Variants in CNTN4 observed in about 807,000 individuals in gnomAD.
CNTN4 encodes the protein contactin-4.
Under a neutral mutation model 122.5 loss-of-function variants are expected in CNTN4, and 77 were observed. The observed-to-expected ratio is 0.63, with a 90% CI of 0.52 to 0.76. The LOEUF is 0.76. Among genes scored for constraint, CNTN4 ranks in the 30% least tolerant of loss-of-function variants. The probability of loss-of-function intolerance (pLI) is 0.00; values close to 1 mark genes in which losing one functional copy is unlikely to be tolerated. For synonymous variants in CNTN4, 512 were observed against 447.0 expected (o/e 1.15, Z -1.83); for missense variants, 1,256 against 1,259.1 (o/e 1.00, Z 0.04).
chr3:2,470,415 T>C (rs62233832), intron 3 of CNTN4, among the ~76,000 whole-genome samples: 27,999 of 152,194 alleles, frequency 0.18, 3,271 homozygotes, highest in Middle Eastern at 0.28. Flanking sequence ...TGGATAGTTT[T>C]ACGCTTCTCA....
intron 3 of CNTN4, among the ~76,000 whole-genome samples, chr3:2,370,760 A>G (rs2045598938): frequency 6.6e-6 from 1 of 152,174 alleles, no homozygotes; most frequent in South Asian, 2.1e-4. Flanking sequence ...AAAAAATGAT[A>G]TAATTTTAGA....
chr3:2,398,661 C>T (rs1559518297), intron 3 of CNTN4, among the ~76,000 whole-genome samples: 1 of 152,046 alleles, frequency 6.6e-6, no homozygotes, highest in African/African-American at 2.4e-5. Context: ...AAATTTTGTT[C>T]AGTATTAAAA....
intron 4 of CNTN4, among the ~76,000 whole-genome samples, chr3:2,612,632 G>A (rs914634193): frequency 3.3e-5 from 5 of 152,080 alleles, no homozygotes; most frequent in Admixed American, 1.3e-4. Flanking sequence ...GTAGAATGAG[G>A]TAGATAAAAT....
intron 2 of CNTN4, among the ~76,000 whole-genome samples, chr3:2,194,422 C>G (rs9862747): frequency 0.7 from 106,878 of 151,922 alleles, 38,495 homozygotes; most frequent in South Asian, 0.83. Flanking sequence ...GATCGCGCCA[C>G]TGCACTCCAG....
At chr3:2,177,065 T>G (rs923618523) in intron 2 of CNTN4, among the ~76,000 whole-genome samples, 1 of 152,234 alleles carries the variant, frequency 6.6e-6, no homozygotes, top group South Asian at 2.1e-4. Context: ...GTCCACTTCC[T>G]TGTATATCAA....
chr3:2,305,530 G>T (rs1179563765), intron 2 of CNTN4, among the ~76,000 whole-genome samples: 1 of 152,030 alleles, frequency 6.6e-6, no homozygotes, highest in Non-Finnish European at 1.5e-5. Flanking sequence ...CAATGATATA[G>T]TTTCCAAATC....
At chr3:2,680,083 A>G (rs2728016) in intron 4 of CNTN4, among the ~76,000 whole-genome samples, 9,168 of 152,274 alleles carry the variant, frequency 0.06, 341 homozygotes, top group African/African-American at 0.097. Context: ...TTCTGGGAGT[A>G]AGGGATGGTT....
intron 4 of CNTN4, among the ~76,000 whole-genome samples, chr3:2,679,799 C>A (rs2085071632): frequency 6.6e-6 from 1 of 152,170 alleles, no homozygotes; most frequent in African/African-American, 2.4e-5. Context: ...GCATACCTTT[C>A]CTTGACATCA....
intron 2 of CNTN4, among the ~76,000 whole-genome samples, chr3:2,305,566 C>T (rs1266855353): frequency 6.6e-6 from 1 of 152,092 alleles, no homozygotes; most frequent in East Asian, 1.9e-4. Flanking sequence ...ATAGTACTTT[C>T]TCTTTATGTT....
chr3:2,254,402 A>G (rs936410551), intron 2 of CNTN4, among the ~76,000 whole-genome samples: 2 of 152,186 alleles, frequency 1.3e-5, no homozygotes, highest in Non-Finnish European at 2.9e-5. Context: ...TTGGGTATAT[A>G]CCCAGTAATG....
intron 2 of CNTN4, among the ~76,000 whole-genome samples, chr3:2,210,342 C>CA (rs1427296078): frequency 6.6e-6 from 1 of 152,096 alleles, no homozygotes; most frequent in Non-Finnish European, 1.5e-5. Context: ...ATAGACTTCC[C>CA]AGGACCCTGA....
In CNTN4 at chr3:2,159,782, C is replaced by T. The variant is rs566395159; in HGVS notation, c.-145+59143C>T. Among the ~76,000 whole-genome samples the T allele has an allele frequency of 7.3e-5, 11 of 151,394 alleles. No homozygotes were observed. The South Asian group carries it at 2.3e-3, about 32-fold the overall frequency. The stretch of plus-strand genomic sequence containing the variant: ...GTTTGAATGGATTATGTTTGTCCCA[C>T]AATCATTTTTTAATCTGAATAATAA... On this transcript the variant is annotated intron_variant, in intron 2 of 24. Transcript: ENST00000418658.
chr3:2,585,259 A>T (rs1300334700), intron 4 of CNTN4, among the ~76,000 whole-genome samples: 1 of 151,842 alleles, frequency 6.6e-6, no homozygotes, highest in Non-Finnish European at 1.5e-5. Context: ...AACTAGTTCA[A>T]CCATTGTGGA....
At chr3:2,996,070 A>C (rs1695507010) in intron 14 of CNTN4, among the ~76,000 whole-genome samples, 1 of 152,194 alleles carries the variant, frequency 6.6e-6, no homozygotes, top group Non-Finnish European at 1.5e-5. Flanking sequence ...TTGCATACAG[A>C]ATACACATGC....
chr3:2,885,030 C>T (rs1559618846), intron 9 of CNTN4, among the ~76,000 whole-genome samples: 1 of 152,272 alleles, frequency 6.6e-6, no homozygotes, highest in African/African-American at 2.4e-5. Context: ...ACCTTTTCTG[C>T]ATTTTGAGTT....
At chr3:2,891,532 A>T (rs1250535599) in intron 10 of CNTN4, among the ~76,000 whole-genome samples, 1 of 152,210 alleles carries the variant, frequency 6.6e-6, no homozygotes, top group African/African-American at 2.4e-5. Context: ...TAGTCAGGAA[A>T]GACTTGTCTG....
chr3:2,699,165 C>G (rs1000169147), intron 4 of CNTN4, among the ~76,000 whole-genome samples: 2 of 152,132 alleles, frequency 1.3e-5, no homozygotes, highest in African/African-American at 2.4e-5. Flanking sequence ...TCACTCAGCC[C>G]TAAAATACAC....
rs180873369 is a variant in CNTN4, at chr3:2,147,927, T to C, written c.-145+47288T>C. On this transcript the variant is annotated intron_variant, in intron 2 of 24. Coordinates refer to ENST00000418658, the MANE Select transcript of CNTN4 (RefSeq NM_175607.3). ...CATCTGTCCTCATTAAAAACTCCAC[T>C]CCTGTTTTCAAATTCCTTGTCTGTT... Among the ~76,000 whole-genome samples, 542 of 152,292 alleles carry C rather than the reference T, an allele frequency of 3.6e-3. 4 individuals are homozygous for C. The highest frequency in any genetic ancestry group is 0.012 in the African/African-American group (489 of 41,560).
intron 7 of CNTN4, among the ~76,000 whole-genome samples, chr3:2,857,482 T>G (rs1406181528): frequency 1.3e-5 from 2 of 152,218 alleles, no homozygotes; most frequent in Non-Finnish European, 2.9e-5. Flanking sequence ...GAACAGTGTT[T>G]CCATCTGCCC....
Sources: gnomAD v4.1 joint callset for allele counts (sites outside exome capture counted in the v4.1 genomes callset) on GRCh38, gnomAD v4.1.1 for gene constraint, MANE v1.5 for transcripts, NCBI Gene and HGNC (gene_info 2026-07-23, HGNC 2026-07-21) for gene names.